MIS18A: variants seen among roughly 807,000 people sequenced by gnomAD.
MIS18A encodes the protein MIS18 kinetochore protein A, also known as protein Mis18-alpha.
A neutral mutation model predicts 25.0 loss-of-function variants in MIS18A; 14 were observed. The ratio of observed to expected loss-of-function variants is 0.56; its 90% confidence interval spans 0.37 to 0.88. MIS18A has a LOEUF of 0.88. Among genes scored for constraint, MIS18A ranks in the 40% least tolerant of loss-of-function variants. The pLI is 0.00. For synonymous variants in MIS18A, 134 were observed against 118.6 expected, an observed-to-expected ratio of 1.13 and a Z score of -0.84; for missense variants, 292 against 290.8, an observed-to-expected ratio of 1.00 and a Z score of -0.03.
downstream of MIS18A, among the ~76,000 whole-genome samples, chr21:32,264,975 TACA>T (rs2031565285): frequency 6.6e-6 from 1 of 152,198 alleles, no homozygotes; most frequent in African/African-American, 2.4e-5. Context: ...AACATCCAGT[TACA>T]ACAATCTTTA....
the MIS18A span, among the ~76,000 whole-genome samples, chr21:32,163,295 T>C: frequency 6.6e-6 from 1 of 152,202 alleles, no homozygotes; most frequent in Non-Finnish European, 1.5e-5. Flanking sequence ...TACAGATACA[T>C]TTACAAGCAA....
chr21:32,271,342 A>T (rs776118190), intron 2 of MIS18A, among the ~76,000 whole-genome samples: 1 of 152,152 alleles, frequency 6.6e-6, no homozygotes, highest in African/African-American at 2.4e-5. Flanking sequence ...AAGTATTCTA[A>T]CTCCTACTCA....
chr21:32,277,412 TCAAA>T (rs1228720821), intron 1 of MIS18A, among the ~76,000 whole-genome samples: 2 of 152,204 alleles, frequency 1.3e-5, no homozygotes, highest in African/African-American at 2.4e-5. Context: ...GGAATCTCAT[TCAAA>T]CAAAGAGCTT....
At position 32,278,937 on chromosome 21, in the gene MIS18A, G is replaced by T; in HGVS notation, c.78C>A (p.Ser26Arg). 1 of 1,613,294 alleles carries T rather than the reference G, an allele frequency of 6.2e-7. No homozygotes were observed. The change falls in exon 1 of 5, where the codon AGC becomes AGA. Residue 26 changes from serine (S) to arginine (R), a missense_variant. By Grantham distance (110) the Ser-to-Arg change is moderately radical. Transcript: ENST00000290130. ...GCECGDKGKC[S>R]DSSLLGKRLS... is the part of the protein sequence containing the mutation. ...GTCTCTTGCCCAACAGCGAGGAGTCGCTGCATTTGCCCTTGTCGCCGCACT... is the reference window on the plus strand; with the variant it reads ...GTCTCTTGCCCAACAGCGAGGAGTCTCTGCATTTGCCCTTGTCGCCGCACT...
chr21:32,254,492 T>C, the MIS18A span, among the ~76,000 whole-genome samples: 1 of 150,902 alleles, frequency 6.6e-6, no homozygotes, highest in Non-Finnish European at 1.5e-5. Flanking sequence ...GATTGCGTCA[T>C]TGCACTCCAG....
the MIS18A span, among the ~76,000 whole-genome samples, chr21:32,172,021 CAAAAGGTATATG>C: frequency 3.3e-5 from 5 of 151,826 alleles, no homozygotes; most frequent in East Asian, 9.7e-4. Flanking sequence ...TAAAAATGGC[CAAAAGGTATATG>C]AAAAGGCACT....
At chr21:32,179,959 G>C in the MIS18A span, among the ~76,000 whole-genome samples, 1 of 152,202 alleles carries the variant, frequency 6.6e-6, no homozygotes. Flanking sequence ...CTTTCTGACA[G>C]CTCTTTCTTC....
chr21:32,240,211 T>C, the MIS18A span, among the ~76,000 whole-genome samples: 2 of 152,240 alleles, frequency 1.3e-5, no homozygotes, highest in Non-Finnish European at 2.9e-5. Context: ...TCTGTGTCCC[T>C]TAAATTCATA....
the MIS18A span, among the ~76,000 whole-genome samples, chr21:32,233,814 T>C: frequency 6.6e-6 from 1 of 152,024 alleles, no homozygotes; most frequent in Non-Finnish European, 1.5e-5. Flanking sequence ...CCATGGCAAA[T>C]TGATCCAAGG....
At chr21:32,215,969 C>G in the MIS18A span, among the ~76,000 whole-genome samples, 2 of 152,150 alleles carry the variant, frequency 1.3e-5, no homozygotes, top group African/African-American at 4.8e-5. Flanking sequence ...ATTTCTAACA[C>G]TCTGTGGTGC....
chr21:32,160,285 AACACACACACACACACACAC>A, the MIS18A span, among the ~76,000 whole-genome samples: 11 of 145,736 alleles, frequency 7.5e-5, no homozygotes, highest in Admixed American at 2.7e-4. Flanking sequence ...ACACCTCTGC[AACACACACACACACACACAC>A]ACACACACAC....
At chr21:32,274,422 C>A (rs549607688) in intron 2 of MIS18A, among the ~76,000 whole-genome samples, 1 of 151,940 alleles carries the variant, frequency 6.6e-6, no homozygotes, top group Non-Finnish European at 1.5e-5. Flanking sequence ...CCAGGCTGGT[C>A]TCGAATTCCT....
chr21:32,255,234 CT>C, the MIS18A span, among the ~76,000 whole-genome samples: 849 of 146,510 alleles, frequency 5.8e-3, 14 homozygotes, highest in African/African-American at 0.02. Context: ...TTCTTGGGTA[CT>C]TTTTTTTTTT....
At chr21:32,274,027 C>T (rs1366373205) in intron 2 of MIS18A, among the ~76,000 whole-genome samples, 2 of 152,006 alleles carry the variant, frequency 1.3e-5, no homozygotes, top group African/African-American at 4.8e-5. Flanking sequence ...ATTGCTGGAG[C>T]TCCTGTGTTG....
chr21:32,253,206 G>C, the MIS18A span, among the ~76,000 whole-genome samples: 4 of 152,152 alleles, frequency 2.6e-5, no homozygotes, highest in African/African-American at 9.7e-5. Context: ...GCCTGCAGAT[G>C]AGCAGGGGAG....
the MIS18A span, among the ~76,000 whole-genome samples, chr21:32,246,152 T>G: frequency 6.6e-6 from 1 of 152,080 alleles, no homozygotes; most frequent in Non-Finnish European, 1.5e-5. Flanking sequence ...TCATGAGAAA[T>G]CCGCCCCATC....
chr21:32,244,862 C>T, the MIS18A span, among the ~76,000 whole-genome samples: 1 of 152,080 alleles, frequency 6.6e-6, no homozygotes, highest in Non-Finnish European at 1.5e-5. Flanking sequence ...TATAAAGCAA[C>T]CATATTTTAA....
Position 32,274,872 on chromosome 21 carries a change from T to C in MIS18A, c.359A>G (p.Asp120Gly), listed in dbSNP as rs2060536135. Reference protein sequence around the residue: ...LRCVSCNVSVDKEQKLSKREK... With the variant: ...LRCVSCNVSVGKEQKLSKREK... ...ACGTTTGGATAGCTTCTGTTCCTTA[T>C]CCACAGAAACATTACAGGAAACACC... The change falls in exon 2 of 5, where the codon GAT becomes GGT. Residue 120 changes from aspartate to glycine, a missense_variant. Asp to Gly is a moderately conservative substitution (Grantham distance 94, BLOSUM62 -1). Coordinates refer to ENST00000290130, the MANE Select transcript of MIS18A (RefSeq NM_018944.3). The C allele has an allele frequency of 7.4e-6, 12 of 1,612,856 alleles. No homozygotes were observed. The highest frequency in any genetic ancestry group is 1.0e-5 in the Non-Finnish European group (12 of 1,179,248).
the MIS18A span, among the ~76,000 whole-genome samples, chr21:32,198,840 T>C: frequency 6.6e-6 from 1 of 151,114 alleles, no homozygotes; most frequent in Non-Finnish European, 1.5e-5. Context: ...CCTGAGATGA[T>C]AAGGAGTTTT....
Sources: allele counts gnomAD v4.1 joint callset (sites outside exome capture counted in the v4.1 genomes callset), GRCh38; gene constraint gnomAD v4.1.1; transcripts MANE v1.5; gene names NCBI Gene and HGNC (gene_info 2026-07-23, HGNC 2026-07-21).